DPYSL2: variants seen among roughly 807,000 people sequenced by gnomAD.
DPYSL2 encodes dihydropyrimidinase-related protein 2.
A neutral mutation model predicts 69.9 loss-of-function variants in DPYSL2; 13 were observed. The ratio of observed to expected loss-of-function variants is 0.19; its 90% confidence interval spans 0.12 to 0.30. The LOEUF is 0.30. Among genes scored for constraint, DPYSL2 ranks in the 10% least tolerant of loss-of-function variants. The pLI is 1.00. For missense variants in DPYSL2, 587 were observed against 918.9 expected (o/e 0.64, Z 4.67); for synonymous variants, 326 against 359.1 (o/e 0.91, Z 1.04).
intron 7 of DPYSL2, among the ~76,000 whole-genome samples, chr8:26,628,871 C>T (rs561906270): frequency 3.3e-5 from 5 of 152,264 alleles, no homozygotes; most frequent in South Asian, 2.1e-4. Flanking sequence ...GTGTCAGCAC[C>T]GTGCCACCAC....
chr8:26,570,823 C>G (rs1313769593), intron 1 of DPYSL2, among the ~76,000 whole-genome samples: 2 of 149,492 alleles, frequency 1.3e-5, no homozygotes, highest in Non-Finnish European at 3.0e-5. Context: ...GGGCCTGGAA[C>G]AAGAGGTTTC....
chr8:26,611,775 T>G (rs1375311307), intron 3 of DPYSL2, among the ~76,000 whole-genome samples: 1 of 152,186 alleles, frequency 6.6e-6, no homozygotes, highest in Non-Finnish European at 1.5e-5. Context: ...CATTTCCTAT[T>G]AAGTGTCTGT....
At position 26,654,438 on chromosome 8, in the gene DPYSL2, G is replaced by A. The variant is rs371030708; in HGVS notation, c.1942+1041G>A. On this transcript the variant is annotated intron_variant, in intron 13 of 13. Transcript: ENST00000521913. This position sits in a 1 kb window ranked among gnomAD's most constrained non-coding sequence, Gnocchi z 5.0. The stretch of plus-strand genomic sequence containing the variant: ...AAACCAGAGAGAATTTTTTTTCTTG[G>A]TGGTTGTATGGGTTTTTAGAAAGTA... Among the ~76,000 whole-genome samples the A allele has an allele frequency of 2.0e-5, 3 of 151,982 alleles. No individual in the cohort carries two copies. The highest frequency in any genetic ancestry group is 2.1e-4 in the South Asian group (1 of 4,824).
At position 26,587,814 on chromosome 8, in the gene DPYSL2, C is replaced by T. The variant is rs1048111257; in HGVS notation, c.628+3831C>T. On this transcript the variant is annotated intron_variant, in intron 3 of 13. Coordinates refer to ENST00000521913, the MANE Select transcript of DPYSL2 (RefSeq NM_001197293.3). The surrounding 1 kb of genome is among the most constrained non-coding windows in gnomAD (Gnocchi z 4.2). The stretch of plus-strand genomic sequence containing the variant: ...GGAAAACCCTACGGACTTCCCAGGG[C>T]CTTCATGGTCATTTGAGTTCAGGAT... Among the ~76,000 whole-genome samples the T allele has an allele frequency of 6.6e-6, 1 of 152,060 alleles. No individual in the cohort carries two copies. The highest frequency in any genetic ancestry group is 1.9e-4 in the East Asian group (1 of 5,160).
intron 1 of DPYSL2, among the ~76,000 whole-genome samples, chr8:26,540,342 G>T (rs1178335543): frequency 6.6e-6 from 1 of 152,006 alleles, no homozygotes; most frequent in African/African-American, 2.4e-5. Context: ...AATGAAAAAA[G>T]TGAAAAAAGA....
rs1441335107 is a variant in DPYSL2 at position 26,620,076 on chromosome 8, G to A, written c.629-4067G>A. 1 of 152,510 alleles carries A rather than the reference G, an allele frequency of 6.6e-6. No homozygotes were observed. Among genetic ancestry groups the A allele is most frequent in the Non-Finnish European group, 1.5e-5 (1 of 68,300 alleles). The allele number at this position is 152,510 out of a possible 1,614,324, so 9.4% of individuals were successfully genotyped here. ...GGTTGCCAGGGGCTGGGAGTAGCAG[G>A]CTAGGAGGGAATGGGGAGTGACTGC... On this transcript the variant is annotated intron_variant, in intron 3 of 13. Coordinates refer to ENST00000521913, the MANE Select transcript of DPYSL2 (RefSeq NM_001197293.3). This position sits in a 1 kb window ranked among gnomAD's most constrained non-coding sequence, Gnocchi z 4.5.
At position 26,514,570 on chromosome 8, in the gene DPYSL2, A is replaced by T. The variant is rs1425509393; in HGVS notation, c.245A>T (p.Tyr82Phe). Reference protein sequence around the residue: ...AHLGPDPQPPYSRQGRRAGGE... With the variant: ...AHLGPDPQPPFSRQGRRAGGE... ...TTGGGCCCGGACCCGCAGCCGCCGTACTCGCGGCAGGGCCGGCGCGCCGGC... is the reference window on the plus strand; with the variant it reads ...TTGGGCCCGGACCCGCAGCCGCCGTTCTCGCGGCAGGGCCGGCGCGCCGGC... The change falls in exon 1 of 14, where the codon TAC (tyrosine) becomes TTC (phenylalanine). Residue 82 changes from tyrosine (Y) to phenylalanine (F), a missense_variant. Physicochemically the swap from Tyr to Phe is conservative, Grantham distance 22. Coordinates refer to ENST00000521913, the MANE Select transcript of DPYSL2 (RefSeq NM_001197293.3). The surrounding 1 kb of genome is among the most constrained non-coding windows in gnomAD (Gnocchi z 8.4). The T allele has an allele frequency of 4.1e-5, 63 of 1,526,420 alleles. No individual in the cohort carries two copies. Among genetic ancestry groups the T allele is most frequent in the Non-Finnish European group, 5.5e-5 (63 of 1,142,384 alleles). 94.6% of individuals were successfully genotyped at this position (1,526,420 alleles called of 1,614,324 possible). A position where few individuals can be genotyped will look rare whatever the true frequency, so the allele number is the denominator to read the frequency against.
intron 1 of DPYSL2, among the ~76,000 whole-genome samples, chr8:26,574,991 T>G (rs1019245773): frequency 5.3e-5 from 8 of 152,226 alleles, no homozygotes; most frequent in Non-Finnish European, 1.2e-4. Context: ...TGAAGTGCAG[T>G]GGCGCTATCT....
chr8:26,626,467 C>G lies in DPYSL2; in HGVS notation c.794-150C>G. 1 of 672,156 alleles carries G rather than the reference C, an allele frequency of 1.5e-6. No individual in the cohort carries two copies. The highest frequency in any genetic ancestry group is 2.4e-6 in the Non-Finnish European group (1 of 411,798). 41.6% of individuals were successfully genotyped at this position (672,156 alleles called of 1,614,324 possible). On this transcript the variant is annotated intron_variant, in intron 4 of 13. Coordinates refer to ENST00000521913, the MANE Select transcript of DPYSL2 (RefSeq NM_001197293.3). This position sits in a 1 kb window ranked among gnomAD's most constrained non-coding sequence, Gnocchi z 4.3. ...CTGTGTCTCCATTTCTCTCCTCTCT[C>G]TTTCTCTGTACTGAAACACACACAC...
intron 1 of DPYSL2, among the ~76,000 whole-genome samples, chr8:26,546,732 A>T (rs1440840045): frequency 6.6e-6 from 1 of 151,024 alleles, no homozygotes; most frequent in Admixed American, 6.6e-5. Context: ...ATCCTGGCTC[A>T]CACGGTGAAA....
At chr8:26,577,993 T>TTCTCTCTCTC in intron 1 of DPYSL2, 1 of 1,203,626 alleles carries the variant, frequency 8.3e-7, no homozygotes, top group South Asian at 1.9e-5. Context: ...CTCTCTCTCC[T>TTCTCTCTCTC]TCTCTCTCTC....
intron 1 of DPYSL2, among the ~76,000 whole-genome samples, chr8:26,566,969 A>G (rs554901999): frequency 1.3e-5 from 2 of 151,922 alleles, no homozygotes; most frequent in African/African-American, 4.8e-5. Context: ...TTTTCCATCC[A>G]TCCACCCGTC....
In DPYSL2 at chr8:26,582,776, A is replaced by G. The variant is rs573750680; in HGVS notation, c.443+719A>G. 6.6e-5 allele frequency among the ~76,000 whole-genome samples: 10 copies of G among 152,298 alleles called. No homozygotes were observed. The South Asian group carries it at 2.1e-3, about 32-fold the overall frequency. On this transcript the variant is annotated intron_variant, in intron 2 of 13. Coordinates refer to ENST00000521913, the MANE Select transcript of DPYSL2 (RefSeq NM_001197293.3). This position sits in a 1 kb window ranked among gnomAD's most constrained non-coding sequence, Gnocchi z 4.1. ...ATAGCACATCTGTTTGAAGACAAAC[A>G]CTGCAGCCAGTGACAGCTTTTAAAT... is the stretch of plus-strand genomic sequence containing the variant.
chr8:26,593,103 C>T lies in DPYSL2; in HGVS notation c.628+9120C>T, dbSNP rs1226379465. 1.3e-5 allele frequency among the ~76,000 whole-genome samples: 2 copies of T among 152,082 alleles called. No homozygotes were observed. The highest frequency in any genetic ancestry group is 3.8e-4 in the East Asian group (2 of 5,202). On this transcript the variant is annotated intron_variant, in intron 3 of 13. Coordinates refer to ENST00000521913, the MANE Select transcript of DPYSL2 (RefSeq NM_001197293.3). This position sits in a 1 kb window ranked among gnomAD's most constrained non-coding sequence, Gnocchi z 5.7. ...GAAATTAGAGTTCTTTCTGGTTAACCCATTTGGGAGGTAGCTTTCTTTGAA... is the reference window on the plus strand; with the variant it reads ...GAAATTAGAGTTCTTTCTGGTTAACTCATTTGGGAGGTAGCTTTCTTTGAA...
Position 26,519,166 on chromosome 8 carries a change from G to A in DPYSL2, c.354+4487G>A, listed in dbSNP as rs539227207. Among the ~76,000 whole-genome samples, 3 of 152,318 alleles carry A rather than the reference G, an allele frequency of 2.0e-5. No homozygotes were observed. In the East Asian group the frequency reaches 5.8e-4, roughly 29 times the overall value. On this transcript the variant is annotated intron_variant, in intron 1 of 13. Coordinates refer to ENST00000521913, the MANE Select transcript of DPYSL2 (RefSeq NM_001197293.3). Reference sequence around the variant, plus strand: ...GAGGCTGGGGAGTTTTTCCAGCCTGGTAAAGACAGGCCACGTATTCCAGGG... The same window carrying A: ...GAGGCTGGGGAGTTTTTCCAGCCTGATAAAGACAGGCCACGTATTCCAGGG...
In DPYSL2 at chr8:26,642,819, C is replaced by T. The variant is rs1243169135; in HGVS notation, c.1127-620C>T. ...GGCATAATGTCCAGTTTGTTTCTCT[C>T]TCACAGAGTCAGCTGTGAAGATGGT... On this transcript the variant is annotated intron_variant, in intron 8 of 13. Coordinates refer to ENST00000521913, the MANE Select transcript of DPYSL2 (RefSeq NM_001197293.3). The surrounding 1 kb of genome is among the most constrained non-coding windows in gnomAD (Gnocchi z 5.3). The T allele has an allele frequency of 1.3e-5, 2 of 152,236 alleles. No homozygotes were observed. The highest frequency in any genetic ancestry group is 2.9e-5 in the Non-Finnish European group (2 of 68,092). The allele number at this position is 152,236 out of a possible 1,614,324, so 9.4% of individuals were successfully genotyped here.
chr8:26,527,597 C>T (rs531944372), intron 1 of DPYSL2, among the ~76,000 whole-genome samples: 11 of 152,138 alleles, frequency 7.2e-5, no homozygotes, highest in East Asian at 3.9e-4. Flanking sequence ...GGTTTTTACA[C>T]GCACATTTCA....
chr8:26,515,638 A>T (rs73678804), intron 1 of DPYSL2, among the ~76,000 whole-genome samples: 4,266 of 152,260 alleles, frequency 0.028, 215 homozygotes, highest in African/African-American at 0.096. Flanking sequence ...CTCACACCAC[A>T]ATTCTTTCTT....
intron 1 of DPYSL2, among the ~76,000 whole-genome samples, chr8:26,575,940 A>G (rs1283870607): frequency 1.3e-5 from 2 of 152,166 alleles, no homozygotes; most frequent in Non-Finnish European, 2.9e-5. Flanking sequence ...TCACAAGTAG[A>G]GAGAGGCCAA....
Sources: gnomAD v4.1 joint callset for allele counts (sites outside exome capture counted in the v4.1 genomes callset) on GRCh38, gnomAD v4.1.1 for gene constraint, Gnocchi (gnomAD v3.1) non-coding constraint, MANE v1.5 for transcripts, NCBI Gene and HGNC (gene_info 2026-07-23, HGNC 2026-07-21) for gene names.